The following CDH11 variants were observed in gnomAD, a reference collection of about 807,000 sequenced individuals.
CDH11 encodes cadherin-11.
CDH11 carries 11 observed loss-of-function variants against 67.8 expected under a neutral mutation model. That is an observed-to-expected ratio of 0.16 (90% confidence interval 0.10 to 0.27). The LOEUF (loss-of-function observed/expected upper bound fraction) is 0.27. CDH11 is among the 10% of genes least tolerant of loss of function. The pLI is 1.00. For synonymous variants in CDH11, 419 were observed against 400.0 expected (o/e 1.05, Z -0.57); for missense variants, 847 against 1,031.2 (o/e 0.82, Z 2.45).
At chr16:65,037,880 G>T (rs2073785699) in intron 2 of CDH11, among the ~76,000 whole-genome samples, 1 of 152,126 alleles carries the variant, frequency 6.6e-6, no homozygotes, top group Non-Finnish European at 1.5e-5. Context: ...TAAAAGATGA[G>T]AAGCCAGGCA....
In CDH11 at chr16:64,998,924, G is replaced by C. The variant is rs2072844279; in HGVS notation, c.229-68C>G. 3 of 1,301,290 alleles carry C rather than the reference G, an allele frequency of 2.3e-6. No homozygotes were observed. The African/African-American group carries it at 4.4e-5, about 19-fold the overall frequency. The allele number at this position is 1,301,290 out of a possible 1,614,324, so 80.6% of individuals were successfully genotyped here. ...GCAGTGGGGAAACTCACTTACAAGT[G>C]ATTGCAACAATCTGCTGCGCACACA... is the stretch of plus-strand genomic sequence containing the variant. On this transcript the variant is annotated intron_variant, in intron 3 of 12. Transcript: ENST00000268603.
chr16:65,019,457 C>T (rs2073378573), intron 2 of CDH11, among the ~76,000 whole-genome samples: 2 of 152,150 alleles, frequency 1.3e-5, no homozygotes, highest in Admixed American at 6.5e-5. Context: ...ACATAAGTCT[C>T]TTATTATCTT....
At chr16:65,005,157 G>T in intron 2 of CDH11, 116 bp from the exon 3 acceptor site, 1 of 946,510 alleles carries the variant, frequency 1.1e-6, no homozygotes, top group Non-Finnish European at 1.4e-6. Flanking sequence ...TACGGGCTTT[G>T]GGGAAGCTCA....
In CDH11 at chr16:64,947,723, G is replaced by A; in HGVS notation, c.2271C>T (p.Ser757=). The A allele has an allele frequency of 1.2e-6, 2 of 1,614,098 alleles. No homozygotes were observed. Among genetic ancestry groups the A allele is most frequent in the Admixed American group, 1.7e-5 (1 of 60,020 alleles). Residue 757 remains serine, a synonymous_variant, in exon 13 of 13, where the codon TCC becomes TCT. Coordinates refer to ENST00000268603, the MANE Select transcript of CDH11 (RefSeq NM_001797.4). ...CTGAATCTGTGGTGGCCGACTCTAG[G>A]GAGCTCAGGGACCCGGCCACTGAGC... The part of the protein sequence containing the change: ...GRGSVAGSLS[S]LESATTDSDL...
Position 65,121,466 on chromosome 16 carries a change from G to A in CDH11, c.-298+414C>T, listed in dbSNP as rs1225107479. ...CGCCGCTTTGGGGAAGCGGCGCAGG[G>A]CTGGCGGGCACCGCGCCGTGGGCGA... On this transcript the variant is annotated intron_variant, in intron 1 of 12. Coordinates refer to ENST00000268603, the MANE Select transcript of CDH11 (RefSeq NM_001797.4). The surrounding 1 kb of genome is among the most constrained non-coding windows in gnomAD (Gnocchi z 4.1). 6.6e-6 allele frequency among the ~76,000 whole-genome samples: 1 copy of A among 152,224 alleles called. No individual in the cohort carries two copies. Among genetic ancestry groups the A allele is most frequent in the Non-Finnish European group, 1.5e-5 (1 of 68,036 alleles).
chr16:65,048,092 C>T (rs985267723), intron 2 of CDH11, among the ~76,000 whole-genome samples: 1 of 152,178 alleles, frequency 6.6e-6, no homozygotes, highest in East Asian at 1.9e-4. Context: ...AGCACCTAGT[C>T]CAAAGCCTAA....
At chr16:65,098,215 T>C (rs941549188) in intron 1 of CDH11, among the ~76,000 whole-genome samples, 3 of 152,150 alleles carry the variant, frequency 2.0e-5, no homozygotes, top group Admixed American at 6.5e-5. Context: ...ATATTTACTA[T>C]TGAACCTCAT....
chr16:65,104,107 G>A (rs139462661), intron 1 of CDH11, among the ~76,000 whole-genome samples: 2 of 152,144 alleles, frequency 1.3e-5, no homozygotes, highest in African/African-American at 4.8e-5. Flanking sequence ...ATTTGGTGGA[G>A]AAAATTGAGT....
At position 65,055,700 on chromosome 16, in the gene CDH11, C is replaced by T. The variant is rs563845391; in HGVS notation, c.-297-1772G>A. 2.6e-4 allele frequency among the ~76,000 whole-genome samples: 40 copies of T among 152,256 alleles called. 1 individual carries two copies. The South Asian group carries it at 6.8e-3, about 26-fold the overall frequency. On this transcript the variant is annotated intron_variant, in intron 1 of 12. Transcript: ENST00000268603. ...TGGACTTTAGACCTCAGAATTTATG[C>T]TGAAACAAGTTAAGATTTTGGAGGC...
At chr16:65,019,087 A>T (rs973811369) in intron 2 of CDH11, among the ~76,000 whole-genome samples, 1 of 152,242 alleles carries the variant, frequency 6.6e-6, no homozygotes, top group African/African-American at 2.4e-5. Flanking sequence ...ATACAAATAA[A>T]ACCCAAAGAA....
intron 8 of CDH11, among the ~76,000 whole-genome samples, chr16:64,974,616 G>A (rs949909862): frequency 6.6e-6 from 1 of 152,174 alleles, no homozygotes; most frequent in South Asian, 2.1e-4. Flanking sequence ...GCTCCCCATA[G>A]GAATAGAATA....
intron 1 of CDH11, among the ~76,000 whole-genome samples, chr16:65,077,746 T>A (rs1359038001): frequency 6.6e-6 from 1 of 152,228 alleles, no homozygotes; most frequent in Non-Finnish European, 1.5e-5. Context: ...AAGTATCAAG[T>A]TTCACAAATA....
chr16:64,981,097 CTTTTTTTTTTTTTT>C, intron 8 of CDH11: 1 of 113,824 alleles, frequency 8.8e-6, no homozygotes, highest in Non-Finnish European at 1.7e-5. Flanking sequence ...TTCTTTCTTT[CTTTTTTTTTTTTTT>C]TTTTTTTTTT....
At chr16:64,959,012 T>C (rs1049137712) in intron 11 of CDH11, among the ~76,000 whole-genome samples, 3 of 152,158 alleles carry the variant, frequency 2.0e-5, no homozygotes, top group African/African-American at 4.8e-5. Context: ...ATAAAAGATA[T>C]GCTACAATGA....
At chr16:64,957,606 A>G (rs1157290572) in intron 11 of CDH11, among the ~76,000 whole-genome samples, 1 of 138,164 alleles carries the variant, frequency 7.2e-6, no homozygotes, top group Non-Finnish European at 1.6e-5. Context: ...CCGTGCACAC[A>G]CACACACACA....
At chr16:64,980,827 T>C (rs1421820776) in intron 8 of CDH11, among the ~76,000 whole-genome samples, 4 of 152,020 alleles carry the variant, frequency 2.6e-5, no homozygotes, top group Admixed American at 2.0e-4. Flanking sequence ...AGACTGAGGG[T>C]TGGGAGACCC....
chr16:64,949,866 T>G (rs2071309516), intron 12 of CDH11, among the ~76,000 whole-genome samples: 1 of 152,166 alleles, frequency 6.6e-6, no homozygotes, highest in South Asian at 2.1e-4. Flanking sequence ...AGACTTCTTC[T>G]CTTTATCCCC....
intron 1 of CDH11, among the ~76,000 whole-genome samples, chr16:65,069,573 C>T (rs2074379520): frequency 6.6e-6 from 1 of 152,100 alleles, no homozygotes; most frequent in Admixed American, 6.5e-5. Context: ...CTTTTTTGTA[C>T]AGCCAGGAAA....
chr16:65,089,520 T>C (rs929315699), intron 1 of CDH11, among the ~76,000 whole-genome samples: 2 of 152,116 alleles, frequency 1.3e-5, no homozygotes, highest in African/African-American at 4.8e-5. Context: ...TCATGACTTA[T>C]CCCATTCTTC....
Sources: allele counts gnomAD v4.1 joint callset (sites outside exome capture counted in the v4.1 genomes callset), GRCh38; gene constraint gnomAD v4.1.1; non-coding constraint Gnocchi (gnomAD v3.1); transcripts MANE v1.5; gene names NCBI Gene and HGNC (gene_info 2026-07-23, HGNC 2026-07-21).